Variants in TMEM109 observed in about 807,000 individuals in gnomAD.
TMEM109 encodes the protein voltage-gated monoatomic cation channel TMEM109.
Under a neutral mutation model 26.4 loss-of-function variants are expected in TMEM109, and 19 were observed. The ratio of observed to expected loss-of-function variants is 0.72; its 90% CI spans 0.50 to 1.06. The LOEUF is 1.06. TMEM109 is among the 50% of genes least tolerant of loss of function. The pLI, the probability that TMEM109 is intolerant of heterozygous loss-of-function variation, is 0.00. For synonymous variants in TMEM109, 129 were observed against 142.0 expected (o/e 0.91, Z 0.65); for missense variants, 262 against 303.4 (o/e 0.86, Z 1.01).
In TMEM109 at chr11:60,922,267, C is replaced by G. The variant is rs1308657781; in HGVS notation, c.*102C>G. 1 of 1,545,996 alleles carries G rather than the reference C, an allele frequency of 6.5e-7. No individual in the cohort carries two copies. The highest frequency in any genetic ancestry group is 8.7e-7 in the Non-Finnish European group (1 of 1,146,810). On this transcript the variant is annotated 3_prime_UTR_variant, in exon 4 of 4. Transcript: ENST00000227525. ...CCCCTGCCCTTTTCTTGCCCTGTCT[C>G]TGAACCTTCAGAACATTGATCCTTG...
intron 1 of TMEM109, among the ~76,000 whole-genome samples, chr11:60,916,335 T>A (rs543151693): frequency 2.4e-4 from 36 of 152,358 alleles, no homozygotes; most frequent in Non-Finnish European, 4.4e-4. Flanking sequence ...ATAACATATG[T>A]ATATGTATAG....
At position 60,919,770 on chromosome 11, in the gene TMEM109, T is replaced by C. The variant is rs1360324464; in HGVS notation, c.77T>C (p.Ile26Thr). 2 of 1,613,998 alleles carry C rather than the reference T, an allele frequency of 1.2e-6. No individual in the cohort carries two copies. The highest frequency in any genetic ancestry group is 1.7e-6 in the Non-Finnish European group (2 of 1,180,022). Residue 26 changes from isoleucine to threonine, a missense_variant, in exon 2 of 4, where the codon ATC becomes ACC. Transcript: ENST00000227525. ...ATTCTGATGGTCCTAGTGGCCCTTA[T>C]CCTCCTCCACTCAGCATTGGCCCAG... ...KAILMVLVAL[I>T]LLHSALAQSR...
At position 60,922,508 on chromosome 11, in the gene TMEM109, C is replaced by A; in HGVS notation, c.*343C>A. ...CGTTGGTCTCTCATGACTTAACTGG[C>A]TTCCCTCTGCTGCTGCCTTGGCTTC... On this transcript the variant is annotated 3_prime_UTR_variant, in exon 4 of 4. Coordinates refer to ENST00000227525, the MANE Select transcript of TMEM109 (RefSeq NM_024092.3). 1 of 630,016 alleles carries A rather than the reference C, an allele frequency of 1.6e-6. No individual in the cohort carries two copies. The highest frequency in any genetic ancestry group is 2.5e-6 in the Non-Finnish European group (1 of 397,884). The allele number at this position is 630,016 out of a possible 1,614,324, so 39.0% of individuals were successfully genotyped here.
chr11:60,918,413 C>T (rs551190130), intron 1 of TMEM109: 1 of 152,132 alleles, frequency 6.6e-6, no homozygotes, highest in Non-Finnish European at 1.5e-5. Context: ...GAACCCAGCA[C>T]ATGAGACAGA....
intron 1 of TMEM109, 21 bp from the exon 2 acceptor site, chr11:60,919,665 A>G (rs1405359400): frequency 1.9e-6 from 3 of 1,595,446 alleles, no homozygotes; most frequent in Non-Finnish European, 2.6e-6. Flanking sequence ...CACTCAGCTC[A>G]CTGTGCTTCT....
chr11:60,917,428 C>T (rs1359865918), intron 1 of TMEM109, among the ~76,000 whole-genome samples: 2 of 152,162 alleles, frequency 1.3e-5, no homozygotes, highest in Non-Finnish European at 2.9e-5. Flanking sequence ...AATTTGCTGG[C>T]GCTGTCTGAC....
At chr11:60,918,804 G>C (rs991086019) in intron 1 of TMEM109, 1 of 152,228 alleles carries the variant, frequency 6.6e-6, no homozygotes, top group South Asian at 2.1e-4. Context: ...GGGGAGGTGA[G>C]GTCACTCTGT....
chr11:60,915,127 G>A (rs947552536), intron 1 of TMEM109, among the ~76,000 whole-genome samples: 3 of 152,204 alleles, frequency 2.0e-5, no homozygotes, highest in African/African-American at 7.2e-5. Flanking sequence ...GAGTCGCTCG[G>A]TCTACTGGGG....
rs1856263496 is a variant in TMEM109 at position 60,922,779 on chromosome 11, G to C, written c.*614G>C. ...GCTGCAGGGGAGGAGGATGTACCTTGTGTCTCTTTCAAGTGCCTTAATCCG... is the reference window on the plus strand; with the variant it reads ...GCTGCAGGGGAGGAGGATGTACCTTCTGTCTCTTTCAAGTGCCTTAATCCG... On this transcript the variant is annotated 3_prime_UTR_variant, in exon 4 of 4. Transcript: ENST00000227525. The C allele has an allele frequency of 5.6e-6, 1 of 177,140 alleles. No individual in the cohort carries two copies. Among genetic ancestry groups the C allele is most frequent in the Non-Finnish European group, 1.2e-5 (1 of 81,978 alleles). 11.0% of individuals were successfully genotyped at this position (177,140 alleles called of 1,614,324 possible). A position where few individuals can be genotyped will look rare whatever the true frequency, so the allele number is the denominator to read the frequency against.
chr11:60,920,803 C>A (rs1216112163), intron 2 of TMEM109, 83 bp from the exon 3 acceptor site: 1 of 1,215,270 alleles, frequency 8.2e-7, no homozygotes, highest in African/African-American at 1.5e-5. Context: ...TCCTGCAGTT[C>A]TTGCCTGGAC....
In TMEM109 at chr11:60,923,246, A is replaced by C. The variant is rs1252637765; in HGVS notation, c.*1081A>C. ...GTGGTTAGGGGCCACTTTTCCTTTG[A>C]GGCTCTAGTGGAGGTGGATGTCCTT... is the stretch of plus-strand genomic sequence containing the variant. On this transcript the variant is annotated 3_prime_UTR_variant, in exon 4 of 4. Transcript: ENST00000227525. 1 of 152,614 alleles carries C rather than the reference A, an allele frequency of 6.6e-6. No homozygotes were observed. The highest frequency in any genetic ancestry group is 1.5e-5 in the Non-Finnish European group (1 of 68,028). 9.5% of individuals were successfully genotyped at this position (152,614 alleles called of 1,614,324 possible).
Position 60,921,844 on chromosome 11 carries a change from G to C in TMEM109, c.411G>C (p.Gly137=). 1.2e-6 allele frequency: 2 copies of C among 1,614,172 alleles called. No homozygotes were observed. The highest frequency in any genetic ancestry group is 1.7e-6 in the Non-Finnish European group (2 of 1,180,040). Residue 137 remains glycine, a synonymous_variant, in exon 4 of 4, where the codon GGG becomes GGC. Transcript: ENST00000227525. ...AGACCTTCCTGCTGTGGGGAGCAGG[G>C]GCCCTGGTCGTCTACTGGCTGCTGT... is the stretch of plus-strand genomic sequence containing the variant. ...QVQTFLLWGA[G]ALVVYWLLSL...
intron 3 of TMEM109, 58 bp from the exon 4 acceptor site, chr11:60,921,716 C>G (rs952330236): frequency 7.1e-7 from 1 of 1,405,426 alleles, no homozygotes. Flanking sequence ...GCTCTTGCCC[C>G]GCTCTCCCCT....
In TMEM109 at chr11:60,922,141, G is replaced by A. The variant is rs753395960; in HGVS notation, c.708G>A (p.Gly236=). The A allele has an allele frequency of 3.7e-6, 6 of 1,600,430 alleles. No individual in the cohort carries two copies. The highest frequency in any genetic ancestry group is 2.6e-6 in the Non-Finnish European group (3 of 1,174,014). Residue 236 remains glycine, a synonymous_variant, in exon 4 of 4, where the codon GGG becomes GGA. Coordinates refer to ENST00000227525, the MANE Select transcript of TMEM109 (RefSeq NM_024092.3). ...LRWRQRRAAK[G]ARSVEEE is the part of the protein sequence containing the mutation. ...GGCGCCAGAGGCGAGCGGCCAAGGG[G>A]GCCCGCAGTGTGGAGGAGGAGTGAG...
intron 1 of TMEM109, chr11:60,918,485 C>G (rs974274408): frequency 2.5e-4 from 38 of 152,186 alleles, no homozygotes; most frequent in African/African-American, 8.9e-4. Flanking sequence ...GATAACTAAT[C>G]CACTCCCAAG....
Position 60,922,421 on chromosome 11 carries a change from A to G in TMEM109, c.*256A>G. 1 of 1,486,268 alleles carries G rather than the reference A, an allele frequency of 6.7e-7. No homozygotes were observed. Among genetic ancestry groups the G allele is most frequent in the Non-Finnish European group, 9.0e-7 (1 of 1,109,326 alleles). The allele number at this position is 1,486,268 out of a possible 1,614,324, so 92.1% of individuals were successfully genotyped here. On this transcript the variant is annotated 3_prime_UTR_variant, in exon 4 of 4. Transcript: ENST00000227525. ...CCTTTCTCTGCTCCCAGCCTGCCTC[A>G]CCAGGGAAGGTTGGAGGGGCCTCCC...
At position 60,920,736 on chromosome 11, in the gene TMEM109, G is replaced by A. The variant is rs531804243; in HGVS notation, c.238-150G>A. 72 of 706,050 alleles carry A rather than the reference G, an allele frequency of 1.0e-4. 1 individual carries two copies. The highest frequency in any genetic ancestry group is 1.2e-4 in the Non-Finnish European group (47 of 402,564). The allele number at this position is 706,050 out of a possible 1,614,324, so 43.7% of individuals were successfully genotyped here. A position where few individuals can be genotyped will look rare whatever the true frequency, so the allele number is the denominator to read the frequency against. ...AAGGGACCCCTCAGCCAGGCCCAAG[G>A]CCCCTACCCTCTGACCCAGGCCTGT... On this transcript the variant is annotated intron_variant, in intron 2 of 3. Coordinates refer to ENST00000227525, the MANE Select transcript of TMEM109 (RefSeq NM_024092.3).
intron 1 of TMEM109, among the ~76,000 whole-genome samples, chr11:60,917,769 C>G (rs567558199): frequency 1.1e-3 from 164 of 152,274 alleles, no homozygotes; most frequent in African/African-American, 3.4e-3. Context: ...GATCCTCCCC[C>G]CTCAGCCTCC....
chr11:60,922,638 C>A lies in TMEM109; in HGVS notation c.*473C>A. On this transcript the variant is annotated 3_prime_UTR_variant, in exon 4 of 4. Coordinates refer to ENST00000227525, the MANE Select transcript of TMEM109 (RefSeq NM_024092.3). ...CTCCTACCCTGTACTCCCACCAAACCATGGTCCTTTAAGGCACGCTCCTGT... is the reference window on the plus strand; with the variant it reads ...CTCCTACCCTGTACTCCCACCAAACAATGGTCCTTTAAGGCACGCTCCTGT... The A allele has an allele frequency of 3.0e-6, 1 of 337,898 alleles. No homozygotes were observed. The highest frequency in any genetic ancestry group is 5.9e-6 in the Non-Finnish European group (1 of 170,620). 20.9% of individuals were successfully genotyped at this position (337,898 alleles called of 1,614,324 possible). A position where few individuals can be genotyped will look rare whatever the true frequency, so the allele number is the denominator to read the frequency against.
Sources: gnomAD v4.1 joint callset for allele counts (sites outside exome capture counted in the v4.1 genomes callset) on GRCh38, gnomAD v4.1.1 for gene constraint, MANE v1.5 for transcripts, NCBI Gene and HGNC (gene_info 2026-07-23, HGNC 2026-07-21) for gene names.